The following KCNAB1 variants were observed in gnomAD, a reference collection of about 807,000 sequenced individuals.
KCNAB1 encodes the protein potassium voltage-gated channel subfamily A regulatory beta subunit 1, also known as voltage-gated potassium channel subunit beta-1.
Under a neutral mutation model 64.6 loss-of-function variants are expected in KCNAB1, and 35 were observed. The observed-to-expected ratio is 0.54, with a 90% CI of 0.41 to 0.72. The LOEUF is 0.72. Ranked by LOEUF, KCNAB1 falls within the 30% of genes least tolerant of loss-of-function variation. KCNAB1 has a pLI of 0.00. For synonymous variants in KCNAB1, 177 were observed against 183.8 expected, an observed-to-expected ratio of 0.96 and a Z score of 0.30; for missense variants, 401 against 512.9, an observed-to-expected ratio of 0.78 and a Z score of 2.11.
At chr3:156,355,933 A>G (rs142196411) in intron 1 of KCNAB1, among the ~76,000 whole-genome samples, 4 of 152,112 alleles carry the variant, frequency 2.6e-5, no homozygotes, top group Admixed American at 2.6e-4. Context: ...CCTGGAGAAC[A>G]TAGGGAGCTC....
intron 1 of KCNAB1, among the ~76,000 whole-genome samples, chr3:156,175,560 A>G (rs1712304343): frequency 6.6e-6 from 1 of 152,218 alleles, no homozygotes; most frequent in South Asian, 2.1e-4. Flanking sequence ...CGGAGCTTGC[A>G]GTGAGCCGAG....
intron 12 of KCNAB1, 35 bp downstream of exon 12, chr3:156,523,982 GA>G: frequency 6.3e-7 from 1 of 1,595,200 alleles, no homozygotes; most frequent in Non-Finnish European, 8.5e-7. Context: ...GTGGTAGAGG[GA>G]CTTCTGCTGA....
At chr3:156,461,209 C>A (rs1232721504) in intron 5 of KCNAB1, among the ~76,000 whole-genome samples, 1 of 152,192 alleles carries the variant, frequency 6.6e-6, no homozygotes, top group Non-Finnish European at 1.5e-5. Context: ...AACTGGGTAA[C>A]TTAAAATAAC....
intron 1 of KCNAB1, among the ~76,000 whole-genome samples, chr3:156,207,368 C>T (rs1714735486): frequency 6.6e-6 from 1 of 152,166 alleles, no homozygotes; most frequent in African/African-American, 2.4e-5. Flanking sequence ...ATAATGGGCT[C>T]TAGGCAGCCT....
rs1712079525 is a variant in KCNAB1 at position 156,452,477 on chromosome 3, C to T, written c.320-422C>T. Reference sequence around the variant, plus strand: ...TAATAATGAATAAAAAATACAGCCACTATTTGGAGGCAAAGAAGGGGAGAA... The same window carrying T: ...TAATAATGAATAAAAAATACAGCCATTATTTGGAGGCAAAGAAGGGGAGAA... On this transcript the variant is annotated intron_variant, in intron 2 of 13. Coordinates refer to ENST00000490337, the MANE Select transcript of KCNAB1 (RefSeq NM_172160.3). The surrounding 1 kb of genome is among the most constrained non-coding windows in gnomAD (Gnocchi z 4.6). 6.6e-6 allele frequency among the ~76,000 whole-genome samples: 1 copy of T among 152,210 alleles called. No individual in the cohort carries two copies. Among genetic ancestry groups the T allele is most frequent in the Non-Finnish European group, 1.5e-5 (1 of 68,038 alleles).
chr3:156,381,702 TC>T (rs1170635147), intron 1 of KCNAB1, among the ~76,000 whole-genome samples: 2 of 152,228 alleles, frequency 1.3e-5, no homozygotes, highest in Non-Finnish European at 2.9e-5. Context: ...TGGAGCTGTT[TC>T]AGCAGGCAGG....
At chr3:156,324,395 T>C (rs78198405) in intron 1 of KCNAB1, among the ~76,000 whole-genome samples, 4,320 of 152,320 alleles carry the variant, frequency 0.028, 204 homozygotes, top group African/African-American at 0.1. Context: ...CCTTGCTCTA[T>C]AATTTTCACT....
chr3:156,515,817 T>A (rs1576964358), intron 10 of KCNAB1, among the ~76,000 whole-genome samples: 4 of 125,834 alleles, frequency 3.2e-5, no homozygotes, highest in Admixed American at 2.3e-4. Flanking sequence ...ACTTTCTTCC[T>A]AAGAAACAGA....
chr3:156,200,092 C>T lies in KCNAB1; in HGVS notation c.275+79206C>T, dbSNP rs370245631. ...ACAGTCAAGACCCTCTGCTGCAGGT[C>T]TGCTGGAATTTGCTGGAGTTCCACT... On this transcript the variant is annotated intron_variant, in intron 1 of 13. Coordinates refer to ENST00000490337, the MANE Select transcript of KCNAB1 (RefSeq NM_172160.3). Among the ~76,000 whole-genome samples, 5 of 152,194 alleles carry T rather than the reference C, an allele frequency of 3.3e-5. No homozygotes were observed. In the East Asian group the frequency reaches 7.7e-4, roughly 23 times the overall value.
chr3:156,432,153 C>A (rs1483659598), intron 2 of KCNAB1, among the ~76,000 whole-genome samples: 2 of 152,126 alleles, frequency 1.3e-5, no homozygotes, highest in African/African-American at 4.8e-5. Context: ...ATCTGGGATG[C>A]CTTCCCCTAC....
intron 1 of KCNAB1, among the ~76,000 whole-genome samples, chr3:156,158,193 AATAAAT>A (rs1715866283): frequency 7.4e-6 from 1 of 134,684 alleles, no homozygotes; most frequent in Non-Finnish European, 1.7e-5. Context: ...TAAATAAATA[AATAAAT>A]AAATAAATAA....
intron 1 of KCNAB1, among the ~76,000 whole-genome samples, chr3:156,165,151 G>A (rs1258811528): frequency 2.0e-5 from 3 of 150,484 alleles, no homozygotes; most frequent in Admixed American, 2.0e-4. Context: ...AGTGGCGGGC[G>A]CCTGTAGTCC....
At chr3:156,425,201 T>C (rs1306566120) in intron 2 of KCNAB1, among the ~76,000 whole-genome samples, 13 of 152,230 alleles carry the variant, frequency 8.5e-5, no homozygotes, top group African/African-American at 3.1e-4. Flanking sequence ...GTAGTAAAAC[T>C]GCCAGGAAAT....
At chr3:156,398,353 G>T (rs538583869) in intron 1 of KCNAB1, among the ~76,000 whole-genome samples, 1 of 152,320 alleles carries the variant, frequency 6.6e-6, no homozygotes, top group African/African-American at 2.4e-5. Flanking sequence ...AGCACTTTGG[G>T]AGGCCGAGGC....
At chr3:156,529,552 G>C (rs568311893) in intron 12 of KCNAB1, among the ~76,000 whole-genome samples, 171 of 151,928 alleles carry the variant, frequency 1.1e-3, no homozygotes, top group African/African-American at 3.9e-3. Flanking sequence ...ACCTAGGAGT[G>C]TGTTAAAAAT....
chr3:156,485,560 A>G (rs953980423), intron 8 of KCNAB1, among the ~76,000 whole-genome samples: 1 of 151,998 alleles, frequency 6.6e-6, no homozygotes, highest in African/African-American at 2.4e-5. Flanking sequence ...TGAATCCTGC[A>G]GTACATTTAA....
intron 1 of KCNAB1, among the ~76,000 whole-genome samples, chr3:156,272,033 C>T (rs1719066880): frequency 6.6e-6 from 1 of 152,256 alleles, no homozygotes; most frequent in East Asian, 1.9e-4. Context: ...CTCTTGTTCT[C>T]TTTCCTTACT....
At chr3:156,415,380 AAG>A (rs1477294266) in intron 1 of KCNAB1, among the ~76,000 whole-genome samples, 4 of 152,190 alleles carry the variant, frequency 2.6e-5, no homozygotes, top group African/African-American at 9.7e-5. Flanking sequence ...TGAATGAGGA[AAG>A]AGACTTTAAA....
intron 1 of KCNAB1, among the ~76,000 whole-genome samples, chr3:156,311,730 G>A (rs552158904): frequency 6.6e-6 from 1 of 152,310 alleles, no homozygotes; most frequent in East Asian, 1.9e-4. Context: ...AGAGAGAGAA[G>A]AAGCAAAGGT....
Sources: allele counts gnomAD v4.1 joint callset (sites outside exome capture counted in the v4.1 genomes callset), GRCh38; gene constraint gnomAD v4.1.1; non-coding constraint Gnocchi (gnomAD v3.1); transcripts MANE v1.5; gene names NCBI Gene and HGNC (gene_info 2026-07-23, HGNC 2026-07-21).